The following DOCK1 variants were observed in gnomAD, a reference collection of about 807,000 sequenced individuals.
DOCK1 encodes dedicator of cytokinesis 1.
A neutral mutation model predicts 262.7 loss-of-function variants in DOCK1; 138 were observed. The ratio of observed to expected loss-of-function variants is 0.53; its 90% CI spans 0.46 to 0.61. DOCK1 has a LOEUF of 0.61. DOCK1 is among the 20% of genes least tolerant of loss of function. DOCK1 has a pLI of 0.00. For synonymous variants in DOCK1, 866 were observed against 867.4 expected, an observed-to-expected ratio of 1.00 and a Z score of 0.03; for missense variants, 1,908 against 2,370.7, an observed-to-expected ratio of 0.80 and a Z score of 4.05.
rs746449530 is a variant in DOCK1 at position 127,176,134 on chromosome 10, T to G, written c.2847+48370T>G. On this transcript the variant is annotated intron_variant, in intron 27 of 51. Coordinates refer to ENST00000623213, the MANE Select transcript of DOCK1 (RefSeq NM_001290223.2). The surrounding 1 kb of genome is among the most constrained non-coding windows in gnomAD (Gnocchi z 4.4). ...ATGGACCTGCGTGCGGGCACTGTCA[T>G]GTATTTGCGGTAGGCTGCTCTGCAG... 5 of 1,614,114 alleles carry G rather than the reference T, an allele frequency of 3.1e-6. No individual in the cohort carries two copies. The highest frequency in any genetic ancestry group is 4.2e-6 in the Non-Finnish European group (5 of 1,180,018).
intron 23 of DOCK1, among the ~76,000 whole-genome samples, chr10:127,081,910 G>A (rs968330145): frequency 5.9e-5 from 9 of 152,178 alleles, no homozygotes; most frequent in South Asian, 2.1e-4. Context: ...GGAACATTTC[G>A]CCACCCCAGT....
Position 127,215,966 on chromosome 10 carries a change from G to A in DOCK1, c.2848-32042G>A, listed in dbSNP as rs377102541. 1.2e-4 allele frequency among the ~76,000 whole-genome samples: 18 copies of A among 152,134 alleles called. No homozygotes were observed. In the South Asian group the frequency reaches 3.1e-3, roughly 26 times the overall value. On this transcript the variant is annotated intron_variant, in intron 27 of 51. Coordinates refer to ENST00000623213, the MANE Select transcript of DOCK1 (RefSeq NM_001290223.2). The stretch of plus-strand genomic sequence containing the variant: ...CATTTAAATGTGGTTCTGAATATTC[G>A]TTTGTGTTTGCATTGCTGGATTATC...
chr10:127,438,713 C>T (rs2069863717), intron 48 of DOCK1, among the ~76,000 whole-genome samples: 1 of 152,190 alleles, frequency 6.6e-6, no homozygotes, highest in Non-Finnish European at 1.5e-5. Flanking sequence ...GAGGGTTCCC[C>T]TTTTGAAATA....
intron 44 of DOCK1, among the ~76,000 whole-genome samples, chr10:127,417,988 A>G (rs1352187000): frequency 1.3e-5 from 2 of 151,502 alleles, no homozygotes; most frequent in African/African-American, 4.8e-5. Context: ...TAGATTCCTC[A>G]AAATTCCCGA....
At chr10:127,361,106 CTTT>C (rs1175942298) in intron 32 of DOCK1, among the ~76,000 whole-genome samples, 6 of 87,424 alleles carry the variant, frequency 6.9e-5, no homozygotes, top group African/African-American at 2.9e-4. Flanking sequence ...TAAAGTAGTT[CTTT>C]TTTTTTTTTT....
At chr10:127,451,267 G>A in intron 51 of DOCK1, 65 bp from the exon 52 acceptor site, 1 of 1,530,088 alleles carries the variant, frequency 6.5e-7, no homozygotes, top group Non-Finnish European at 8.8e-7. Flanking sequence ...ACCCCACCTG[G>A]AGACGGTGTC....
intron 1 of DOCK1, among the ~76,000 whole-genome samples, chr10:126,946,989 C>A (rs1374984372): frequency 6.6e-6 from 1 of 152,222 alleles, no homozygotes; most frequent in Non-Finnish European, 1.5e-5. Context: ...CAGGTCTGAT[C>A]CTGTCCCCCC....
chr10:127,099,730 C>G (rs949207173), intron 23 of DOCK1, among the ~76,000 whole-genome samples: 1 of 152,178 alleles, frequency 6.6e-6, no homozygotes, highest in Non-Finnish European at 1.5e-5. Context: ...CCAGACACCT[C>G]CCACTGTCCC....
Position 126,993,496 on chromosome 10 carries a change from G to A in DOCK1, c.473+2893G>A, listed in dbSNP as rs369044572. 3.5e-4 allele frequency among the ~76,000 whole-genome samples: 54 copies of A among 152,326 alleles called. 2 individuals are homozygous for A. The highest frequency in any genetic ancestry group is 1.2e-3 in the African/African-American group (50 of 41,562). ...CTGTACCAGCACGTTCCTAGGGGCC[G>A]GTTCAGGGATAGGATAAGGAGTAGT... On this transcript the variant is annotated intron_variant, in intron 6 of 51. Coordinates refer to ENST00000623213, the MANE Select transcript of DOCK1 (RefSeq NM_001290223.2).
At chr10:127,427,246 C>A (rs373336028) in intron 47 of DOCK1, among the ~76,000 whole-genome samples, 1 of 152,200 alleles carries the variant, frequency 6.6e-6, no homozygotes, top group Non-Finnish European at 1.5e-5. Context: ...TGTGGGAAGT[C>A]GCGCTGCTTC....
Position 127,369,363 on chromosome 10 carries a change from C to A in DOCK1, c.3433-4418C>A, listed in dbSNP as rs566342860. On this transcript the variant is annotated intron_variant, in intron 33 of 51. Coordinates refer to ENST00000623213, the MANE Select transcript of DOCK1 (RefSeq NM_001290223.2). ...AATATGGCACAAGAGGCTTCTGTTT[C>A]ATTGAATCCAGACCCAAAGATGGTC... Among the ~76,000 whole-genome samples, 7 of 152,290 alleles carry A rather than the reference C, an allele frequency of 4.6e-5. No homozygotes were observed. The East Asian group carries it at 1.4e-3, about 29-fold the overall frequency.
chr10:127,178,139 C>T (rs1700795049), intron 27 of DOCK1, among the ~76,000 whole-genome samples: 2 of 152,200 alleles, frequency 1.3e-5, no homozygotes, highest in Admixed American at 1.3e-4. Flanking sequence ...AGTGACATGA[C>T]TAGCCCTCTA....
intron 1 of DOCK1, among the ~76,000 whole-genome samples, chr10:126,920,342 T>G (rs2033055860): frequency 6.6e-6 from 1 of 152,248 alleles, no homozygotes; most frequent in Admixed American, 6.5e-5. Context: ...TTGATACGTT[T>G]GTCTGCAGTG....
intron 16 of DOCK1, among the ~76,000 whole-genome samples, chr10:127,030,334 C>T (rs1703042943): frequency 2.0e-5 from 3 of 152,178 alleles, no homozygotes; most frequent in Non-Finnish European, 4.4e-5. Context: ...AGTCCATGTT[C>T]CTCATCTGTC....
intron 44 of DOCK1, among the ~76,000 whole-genome samples, chr10:127,415,528 T>A (rs1158954639): frequency 6.6e-6 from 1 of 152,248 alleles, no homozygotes; most frequent in Non-Finnish European, 1.5e-5. Context: ...AGCTGTGCTG[T>A]TTTGACAATG....
At chr10:126,913,038 C>T (rs149112745) in intron 1 of DOCK1, among the ~76,000 whole-genome samples, 1 of 149,486 alleles carries the variant, frequency 6.7e-6, no homozygotes, top group African/African-American at 2.5e-5. Flanking sequence ...CTACTGGACT[C>T]GAGGGAGGTA....
rs73388624 is a variant in DOCK1, at chr10:127,409,497, C to T, written c.4343+106C>T. On this transcript the variant is annotated intron_variant, in intron 42 of 51. Coordinates refer to ENST00000623213, the MANE Select transcript of DOCK1 (RefSeq NM_001290223.2). ...AAAGGACGGACTTTGGCCATGGATTCGCTTTCCAAATGCTCTTTCTGTCCT... is the reference window on the plus strand; with the variant it reads ...AAAGGACGGACTTTGGCCATGGATTTGCTTTCCAAATGCTCTTTCTGTCCT... 9,997 of 1,217,822 alleles carry T rather than the reference C, an allele frequency of 8.2e-3. 474 individuals are homozygous for T. The African/African-American group carries it at 0.12, about 14-fold the overall frequency. 75.4% of individuals were successfully genotyped at this position (1,217,822 alleles called of 1,614,324 possible).
chr10:127,006,969 G>A (rs1222553367), intron 10 of DOCK1, among the ~76,000 whole-genome samples: 1 of 152,108 alleles, frequency 6.6e-6, no homozygotes, highest in African/African-American at 2.4e-5. Flanking sequence ...GGTGGTCTCG[G>A]GCATCTTGGA....
At chr10:127,188,897 C>T (rs1240308573) in intron 27 of DOCK1, among the ~76,000 whole-genome samples, 1 of 152,132 alleles carries the variant, frequency 6.6e-6, no homozygotes, top group Non-Finnish European at 1.5e-5. Context: ...AGTCACATGC[C>T]AAAGGTCACA....
Sources: allele counts gnomAD v4.1 joint callset (sites outside exome capture counted in the v4.1 genomes callset), GRCh38; gene constraint gnomAD v4.1.1; non-coding constraint Gnocchi (gnomAD v3.1); transcripts MANE v1.5; gene names NCBI Gene and HGNC (gene_info 2026-07-23, HGNC 2026-07-21).